Variants in OPHN1 observed in about 807,000 individuals in gnomAD.
The protein encoded by OPHN1 is oligophrenin-1.
OPHN1 carries 11 observed loss-of-function variants against 60.7 expected under a neutral mutation model. That is an observed-to-expected ratio of 0.18 (90% CI 0.11 to 0.30). The LOEUF is 0.30. Among genes scored for constraint, OPHN1 ranks in the 10% least tolerant of loss-of-function variants. The pLI, the probability that OPHN1 is intolerant of heterozygous loss-of-function variation, is 1.00. For missense variants in OPHN1, 449 were observed against 611.0 expected, an observed-to-expected ratio of 0.73 and a Z score of 2.80; for synonymous variants, 226 against 222.6, an observed-to-expected ratio of 1.02 and a Z score of -0.14.
At chrX:68,341,704 G>A (rs1459390613) in intron 2 of OPHN1, among the ~76,000 whole-genome samples, 7 of 109,614 alleles carry the variant, frequency 6.4e-5, no homozygotes, top group Admixed American at 3.9e-4. Flanking sequence ...CAGGCATGGC[G>A]GCACGAGCCT....
chrX:68,429,871 C>T (rs2078877289), intron 2 of OPHN1, among the ~76,000 whole-genome samples: 1 of 110,994 alleles, frequency 9.0e-6, no homozygotes, highest in South Asian at 3.8e-4. Context: ...CCCATCTCTA[C>T]TAAAAACACA....
intron 3 of OPHN1, among the ~76,000 whole-genome samples, chrX:68,293,128 C>G (rs2078078154): frequency 1.8e-5 from 2 of 111,743 alleles, no homozygotes; most frequent in Admixed American, 1.9e-4. Flanking sequence ...ATTAGTGCTT[C>G]TTTTTTCATT....
intron 18 of OPHN1, among the ~76,000 whole-genome samples, chrX:68,109,532 T>C (rs1327792152): frequency 6.3e-5 from 7 of 111,826 alleles, no homozygotes; most frequent in Non-Finnish European, 9.4e-5. Flanking sequence ...CTTAGGTATA[T>C]ACCTAGGAGT....
chrX:68,258,388 A>AT (rs1403100386), intron 5 of OPHN1, among the ~76,000 whole-genome samples: 2 of 41,823 alleles, frequency 4.8e-5, no homozygotes, highest in Non-Finnish European at 7.2e-5. Flanking sequence ...TCCTAATGCT[A>AT]CCCCTCCCCC....
intron 5 of OPHN1, among the ~76,000 whole-genome samples, chrX:68,246,097 G>T (rs1049146589): frequency 9.0e-6 from 1 of 111,721 alleles, no homozygotes; most frequent in Non-Finnish European, 1.9e-5. Context: ...GAGCCACTGT[G>T]CCTGGCCGGT....
intron 20 of OPHN1, among the ~76,000 whole-genome samples, chrX:68,068,948 A>G (rs2076923260): frequency 8.9e-6 from 1 of 112,317 alleles, no homozygotes; most frequent in African/African-American, 3.2e-5. Context: ...ATTTAAAAGT[A>G]TTGGGATTCT....
intron 15 of OPHN1, among the ~76,000 whole-genome samples, chrX:68,162,160 A>C (rs2077337594): frequency 9.0e-6 from 1 of 110,613 alleles, no homozygotes; most frequent in African/African-American, 3.3e-5. Flanking sequence ...ATAAAAAGAA[A>C]AACAAGTAAA....
intron 19 of OPHN1, among the ~76,000 whole-genome samples, chrX:68,092,747 G>A (rs1303598436): frequency 9.0e-6 from 1 of 111,421 alleles, no homozygotes; most frequent in Non-Finnish European, 1.9e-5. Context: ...ACACTTTTAT[G>A]AACTAGATTG....
At chrX:68,388,293 C>G (rs2078634700) in intron 2 of OPHN1, among the ~76,000 whole-genome samples, 1 of 106,212 alleles carries the variant, frequency 9.4e-6, no homozygotes, top group African/African-American at 3.4e-5. Context: ...AACCCTGTCT[C>G]TACTCAAAAT....
chrX:68,393,110 T>A (rs764179766), intron 2 of OPHN1, among the ~76,000 whole-genome samples: 8 of 111,790 alleles, frequency 7.2e-5, no homozygotes, highest in Admixed American at 2.8e-4. Flanking sequence ...CCTCCACCTG[T>A]TCACCTGCAT....
intron 3 of OPHN1, 72 bp from the exon 4 acceptor site, chrX:68,283,189 C>A: frequency 1.1e-6 from 1 of 899,068 alleles, no homozygotes; most frequent in Middle Eastern, 2.7e-4. Context: ...GAGATCTGTG[C>A]AACAGGAAGT....
At chrX:68,136,828 T>C (rs1321817664) in intron 15 of OPHN1, among the ~76,000 whole-genome samples, 1 of 112,006 alleles carries the variant, frequency 8.9e-6, no homozygotes, top group Non-Finnish European at 1.9e-5. Context: ...GTGACGAATT[T>C]GTTGGTTATA....
intron 18 of OPHN1, among the ~76,000 whole-genome samples, chrX:68,110,852 G>T (rs1439004861): frequency 1.8e-5 from 2 of 111,730 alleles, no homozygotes; most frequent in African/African-American, 6.5e-5. Flanking sequence ...GTCTTTGAAA[G>T]TCAGAGCTGA....
intron 5 of OPHN1, among the ~76,000 whole-genome samples, chrX:68,272,074 G>C (rs1246839436): frequency 9.2e-6 from 1 of 108,899 alleles, no homozygotes; most frequent in Non-Finnish European, 1.9e-5. Context: ...ATAAAGGAAA[G>C]ATGCTTAAAG....
At chrX:68,070,598 C>A in intron 20 of OPHN1, 1 of 672,491 alleles carries the variant, frequency 1.5e-6, no homozygotes, top group Non-Finnish European at 2.5e-6. Flanking sequence ...CCGTAGTGCT[C>A]ACATGTCTGA....
intron 18 of OPHN1, among the ~76,000 whole-genome samples, chrX:68,104,219 C>G (rs1365904480): frequency 1.8e-5 from 2 of 111,707 alleles, no homozygotes; most frequent in African/African-American, 6.5e-5. Context: ...GAATCAATAT[C>G]ATGAAAATGG....
intron 2 of OPHN1, among the ~76,000 whole-genome samples, chrX:68,322,125 T>C (rs5964665): frequency 0.081 from 8,876 of 109,964 alleles, 914 homozygotes; most frequent in African/African-American, 0.28. Context: ...TGTACATCAC[T>C]GGACCCAGCT....
At chrX:68,118,444 T>C (rs1260793273) in intron 16 of OPHN1, among the ~76,000 whole-genome samples, 1 of 111,702 alleles carries the variant, frequency 9.0e-6, no homozygotes, top group African/African-American at 3.2e-5. Flanking sequence ...AGCAAAATAT[T>C]TAACAGTAAT....
At chrX:68,323,395 G>C (rs1347458838) in intron 2 of OPHN1, among the ~76,000 whole-genome samples, 1 of 111,299 alleles carries the variant, frequency 9.0e-6, no homozygotes, top group Non-Finnish European at 1.9e-5. Context: ...CCTTGTAAGA[G>C]AGCTGTTGCT....
Sources: allele counts gnomAD v4.1 joint callset (sites outside exome capture counted in the v4.1 genomes callset), GRCh38; gene constraint gnomAD v4.1.1; transcripts MANE v1.5; gene names NCBI Gene and HGNC (gene_info 2026-07-23, HGNC 2026-07-21).